SRBD1: variants seen among roughly 807,000 people sequenced by gnomAD.
SRBD1 encodes the protein S1 RNA binding domain 1.
In SRBD1, 88 loss-of-function variants were observed where a neutral mutation model predicts 115.3. That is an observed-to-expected ratio of 0.76 (90% CI 0.64 to 0.91). The LOEUF (loss-of-function observed/expected upper bound fraction) is 0.91. Among genes scored for constraint, SRBD1 ranks in the 40% least tolerant of loss-of-function variants. SRBD1 has a pLI of 0.00. For synonymous variants in SRBD1, 509 were observed against 407.7 expected (o/e 1.25, Z -2.99); for missense variants, 1,385 against 1,177.4 (o/e 1.18, Z -2.58).
intron 14 of SRBD1, among the ~76,000 whole-genome samples, chr2:45,528,866 G>A (rs1671529994): frequency 6.6e-6 from 1 of 151,876 alleles, no homozygotes; most frequent in Non-Finnish European, 1.5e-5. Flanking sequence ...GTACGAAACT[G>A]AAAAGGAATC....
intron 1 of SRBD1, 118 bp downstream of exon 1, chr2:45,611,101 G>A (rs1193631437): frequency 6.6e-6 from 1 of 152,172 alleles, no homozygotes; most frequent in Non-Finnish European, 1.5e-5. Context: ...TTAAAAAAGG[G>A]GTGTTATTGC....
Position 45,436,255 on chromosome 2 carries a change from C to T in SRBD1, c.2050-16361G>A, listed in dbSNP as rs909272960. Among the ~76,000 whole-genome samples the T allele has an allele frequency of 3.9e-5, 6 of 152,086 alleles. No individual in the cohort carries two copies. In the South Asian group the frequency reaches 8.3e-4, roughly 21 times the overall value. ...CAATAAACTAAGAACAAACGGGAAACATCCTCAAGGTGATTAAAAACATCT... is the reference window on the plus strand; with the variant it reads ...CAATAAACTAAGAACAAACGGGAAATATCCTCAAGGTGATTAAAAACATCT... On this transcript the variant is annotated intron_variant, in intron 16 of 20. Coordinates refer to ENST00000263736, the MANE Select transcript of SRBD1 (RefSeq NM_018079.5).
intron 12 of SRBD1, among the ~76,000 whole-genome samples, chr2:45,549,377 G>T (rs1236087527): frequency 6.6e-6 from 1 of 151,228 alleles, no homozygotes. Context: ...GCCTGACCCA[G>T]CTTCTACTAA....
intron 14 of SRBD1, among the ~76,000 whole-genome samples, chr2:45,536,392 A>G (rs1671763850): frequency 6.6e-6 from 1 of 152,032 alleles, no homozygotes; most frequent in South Asian, 2.1e-4. Flanking sequence ...TAATAGGTAG[A>G]AGACTTGTTC....
chr2:45,391,584 T>C (rs1165773746), intron 20 of SRBD1, among the ~76,000 whole-genome samples: 1 of 152,214 alleles, frequency 6.6e-6, no homozygotes, highest in East Asian at 1.9e-4. Flanking sequence ...AAATTGTGAC[T>C]TACATTAGAG....
At chr2:45,580,675 T>TC (rs1673330722) in intron 6 of SRBD1, among the ~76,000 whole-genome samples, 1 of 128,104 alleles carries the variant, frequency 7.8e-6, no homozygotes, top group Non-Finnish European at 1.6e-5. Flanking sequence ...TTCTTCTACT[T>TC]CTTTTTTTTT....
At chr2:45,500,330 G>T (rs1370044891) in intron 14 of SRBD1, among the ~76,000 whole-genome samples, 16 of 151,552 alleles carry the variant, frequency 1.1e-4, no homozygotes, top group Non-Finnish European at 5.9e-5. Flanking sequence ...TTTATTCTGT[G>T]TGTATGGTGT....
intron 16 of SRBD1, among the ~76,000 whole-genome samples, chr2:45,425,014 CTTCA>C (rs1668110963): frequency 6.6e-6 from 1 of 152,198 alleles, no homozygotes; most frequent in Admixed American, 6.5e-5. Context: ...GAGACTGTTT[CTTCA>C]TTGATACTCT....
At chr2:45,518,964 T>TAAAAAAAAAAA (rs11362482) in intron 14 of SRBD1, among the ~76,000 whole-genome samples, 1 of 111,158 alleles carries the variant, frequency 9.0e-6, no homozygotes, top group Non-Finnish European at 2.0e-5. Context: ...CGAATAAGGC[T>TAAAAAAAAAAA]AAAAAAAAAA....
intron 16 of SRBD1, among the ~76,000 whole-genome samples, chr2:45,445,368 C>A (rs3770258): frequency 0.045 from 6,785 of 151,730 alleles, 299 homozygotes; most frequent in East Asian, 0.13. Context: ...AAATTTGTGG[C>A]ATTTACAAAT....
At chr2:45,411,079 T>C (rs1667587946) in intron 19 of SRBD1, among the ~76,000 whole-genome samples, 2 of 152,182 alleles carry the variant, frequency 1.3e-5, no homozygotes, top group African/African-American at 4.8e-5. Context: ...ACCAGACCTC[T>C]CAAGTTGGGA....
At chr2:45,404,961 A>C (rs888791290) in intron 19 of SRBD1, among the ~76,000 whole-genome samples, 5 of 152,078 alleles carry the variant, frequency 3.3e-5, no homozygotes, top group Admixed American at 1.3e-4. Flanking sequence ...AGATATCTGC[A>C]CAGCTAACTC....
chr2:45,441,438 T>C (rs1391912365), intron 16 of SRBD1, among the ~76,000 whole-genome samples: 7 of 152,242 alleles, frequency 4.6e-5, no homozygotes, highest in Non-Finnish European at 2.9e-5. Context: ...AAATATGATT[T>C]GTTATTGTAT....
rs540288234 is a variant in SRBD1, at chr2:45,417,661, A to G, written c.2333+704T>C. 1.5e-3 allele frequency among the ~76,000 whole-genome samples: 230 copies of G among 152,354 alleles called. 1 individual carries two copies. The highest frequency in any genetic ancestry group is 5.5e-3 in the African/African-American group (228 of 41,582). On this transcript the variant is annotated intron_variant, in intron 18 of 20. Transcript: ENST00000263736. ...TTATATCATGCTAAGAAGTTTATCT[A>G]ACAAGCTTTTGTGCTTTCAGGATTA...
At chr2:45,496,148 CATTT>C (rs1343922203) in intron 14 of SRBD1, among the ~76,000 whole-genome samples, 5 of 152,164 alleles carry the variant, frequency 3.3e-5, no homozygotes, top group African/African-American at 1.2e-4. Context: ...CATTTTGCAT[CATTT>C]ACTCTTCCAC....
intron 4 of SRBD1, among the ~76,000 whole-genome samples, chr2:45,595,471 G>A (rs1263134370): frequency 6.6e-6 from 1 of 152,038 alleles, no homozygotes; most frequent in African/African-American, 2.4e-5. Flanking sequence ...ACATTTTGTG[G>A]CAGATAATAT....
chr2:45,544,479 C>G (rs893010609), intron 14 of SRBD1, among the ~76,000 whole-genome samples: 1 of 152,100 alleles, frequency 6.6e-6, no homozygotes, highest in African/African-American at 2.4e-5. Context: ...AGGCCTGAAC[C>G]TAGGTCGTCT....
intron 19 of SRBD1, among the ~76,000 whole-genome samples, chr2:45,393,585 T>C (rs1279201435): frequency 6.6e-6 from 1 of 152,194 alleles, no homozygotes; most frequent in Non-Finnish European, 1.5e-5. Flanking sequence ...TTTCACTGTG[T>C]TAGCCAGGAT....
intron 2 of SRBD1, among the ~76,000 whole-genome samples, chr2:45,603,187 A>G (rs1275465845): frequency 6.6e-6 from 1 of 152,192 alleles, no homozygotes; most frequent in Non-Finnish European, 1.5e-5. Context: ...TCACAAAGGA[A>G]TATCACCAAG....
Sources: allele counts gnomAD v4.1 joint callset (sites outside exome capture counted in the v4.1 genomes callset), GRCh38; gene constraint gnomAD v4.1.1; transcripts MANE v1.5; gene names NCBI Gene and HGNC (gene_info 2026-07-23, HGNC 2026-07-21).